The following CNTNAP2 variants were observed in gnomAD, a reference collection of about 807,000 sequenced individuals.
The protein encoded by CNTNAP2 is contactin associated protein 2, also known as contactin-associated protein-like 2.
Under a neutral mutation model 155.2 loss-of-function variants are expected in CNTNAP2, and 98 were observed. The ratio of observed to expected loss-of-function variants is 0.63; its 90% CI spans 0.54 to 0.75. CNTNAP2 has a LOEUF of 0.75. Among genes scored for constraint, CNTNAP2 ranks in the 30% least tolerant of loss-of-function variants. The probability of loss-of-function intolerance (pLI) is 0.00; values close to 1 mark genes in which losing one functional copy is unlikely to be tolerated. For synonymous variants in CNTNAP2, 651 were observed against 631.2 expected, an observed-to-expected ratio of 1.03 and a Z score of -0.47; for missense variants, 1,727 against 1,688.1, an observed-to-expected ratio of 1.02 and a Z score of -0.40.
intron 10 of CNTNAP2, among the ~76,000 whole-genome samples, chr7:147,421,854 A>T (rs1563198488): frequency 4.6e-5 from 7 of 150,868 alleles, no homozygotes. Flanking sequence ...TGCCCCCTCA[A>T]CTCTCTCTCC....
intron 3 of CNTNAP2, among the ~76,000 whole-genome samples, chr7:146,873,273 G>GAC (rs5888226): frequency 0.72 from 109,917 of 151,862 alleles, 40,730 homozygotes; most frequent in African/African-American, 0.88. Context: ...TTTTATGCAA[G>GAC]ACAGATTTTG....
chr7:146,301,035 A>G (rs1800599591), intron 1 of CNTNAP2, among the ~76,000 whole-genome samples: 1 of 152,158 alleles, frequency 6.6e-6, no homozygotes, highest in Admixed American at 6.5e-5. Flanking sequence ...AAGGCAACAA[A>G]TACATTAATT....
At chr7:148,337,330 A>T (rs1361550844) in intron 21 of CNTNAP2, among the ~76,000 whole-genome samples, 1 of 151,960 alleles carries the variant, frequency 6.6e-6, no homozygotes. Context: ...CCGCCTGCCC[A>T]CAAGGAGCCT....
In CNTNAP2 at chr7:146,391,035, C is replaced by T. The variant is rs954968554; in HGVS notation, c.97+274062C>T. 6.9e-5 allele frequency among the ~76,000 whole-genome samples: 10 copies of T among 145,156 alleles called. No homozygotes were observed. In the Admixed American group the frequency reaches 7.1e-4, roughly 10 times the overall value. On this transcript the variant is annotated intron_variant, in intron 1 of 23. Transcript: ENST00000361727. ...TGAGCCGAGATCGCGCCACTGCACT[C>T]CAGCCTGGCAACATAGTGAGACTCT...
At chr7:147,954,793 C>T (rs1324277132) in intron 14 of CNTNAP2, among the ~76,000 whole-genome samples, 3 of 152,144 alleles carry the variant, frequency 2.0e-5, no homozygotes, top group Admixed American at 1.3e-4. Context: ...TCCCCTATAT[C>T]GAGAGTCTAG....
chr7:147,908,178 A>G (rs1800000508), intron 14 of CNTNAP2, among the ~76,000 whole-genome samples: 1 of 152,182 alleles, frequency 6.6e-6, no homozygotes, highest in Non-Finnish European at 1.5e-5. Flanking sequence ...CGTAGGCCTC[A>G]AGTCTAATTC....
chr7:147,891,771 CAGAT>C (rs543929658), intron 13 of CNTNAP2, among the ~76,000 whole-genome samples: 90 of 152,178 alleles, frequency 5.9e-4, no homozygotes, highest in African/African-American at 2.0e-3. Flanking sequence ...ATATGAGCCT[CAGAT>C]AGTTTACCAA....
At chr7:146,777,736 T>C (rs904436142) in intron 2 of CNTNAP2, among the ~76,000 whole-genome samples, 1 of 152,086 alleles carries the variant, frequency 6.6e-6, no homozygotes, top group Admixed American at 6.6e-5. Context: ...GGCTGATTTT[T>C]GCATTTTTTA....
At position 146,116,854 on chromosome 7, in the gene CNTNAP2, C is replaced by T; in HGVS notation, c.-23C>T. The T allele has an allele frequency of 3.9e-6, 6 of 1,532,844 alleles. No individual in the cohort carries two copies. The highest frequency in any genetic ancestry group is 5.3e-6 in the Non-Finnish European group (6 of 1,135,972). The allele number at this position is 1,532,844 out of a possible 1,614,324, so 95.0% of individuals were successfully genotyped here. A position where few individuals can be genotyped will look rare whatever the true frequency, so the allele number is the denominator to read the frequency against. The stretch of plus-strand genomic sequence containing the variant: ...GCATCTCCGCAGCGAGCTCTTGGAG[C>T]GCCGCCGGCCGGGAGGCGAAGGATG... On this transcript the variant is annotated 5_prime_UTR_variant, in exon 1 of 24. Transcript: ENST00000361727. The surrounding 1 kb of genome is among the most constrained non-coding windows in gnomAD (Gnocchi z 5.5).
intron 8 of CNTNAP2, among the ~76,000 whole-genome samples, chr7:147,241,653 A>G (rs1020978353): frequency 1.6e-4 from 25 of 151,992 alleles, no homozygotes; most frequent in African/African-American, 2.7e-4. Context: ...AAAAAAAAAA[A>G]AAAGAAATTG....
intron 20 of CNTNAP2, among the ~76,000 whole-genome samples, chr7:148,244,988 A>G (rs1010225927): frequency 6.6e-6 from 1 of 152,198 alleles, no homozygotes. Flanking sequence ...AAAACCAATA[A>G]AATCAGAATA....
At chr7:146,936,947 A>C (rs1796928477) in intron 3 of CNTNAP2, among the ~76,000 whole-genome samples, 1 of 152,192 alleles carries the variant, frequency 6.6e-6, no homozygotes, top group Non-Finnish European at 1.5e-5. Flanking sequence ...AACTCCTTTA[A>C]ATTTAAAATA....
chr7:148,273,596 C>T (rs373382594), intron 21 of CNTNAP2, among the ~76,000 whole-genome samples: 6 of 152,152 alleles, frequency 3.9e-5, no homozygotes, highest in Non-Finnish European at 5.9e-5. Context: ...AATAAAAAGA[C>T]GGTAGCTTCT....
intron 15 of CNTNAP2, among the ~76,000 whole-genome samples, chr7:148,024,893 G>A (rs1402652869): frequency 6.6e-6 from 1 of 152,144 alleles, no homozygotes; most frequent in East Asian, 1.9e-4. Flanking sequence ...GCAGTCAGAG[G>A]TGGAAGCAAA....
At chr7:147,007,737 T>C (rs1177187369) in intron 3 of CNTNAP2, among the ~76,000 whole-genome samples, 1 of 152,098 alleles carries the variant, frequency 6.6e-6, no homozygotes, top group Non-Finnish European at 1.5e-5. Flanking sequence ...TATCTGAGCA[T>C]ATTTAATTTC....
intron 1 of CNTNAP2, among the ~76,000 whole-genome samples, chr7:146,589,675 C>T (rs1376028177): frequency 3.3e-5 from 5 of 151,714 alleles, no homozygotes; most frequent in Non-Finnish European, 7.4e-5. Flanking sequence ...TGCAGCAAAC[C>T]ACCATGGCAC....
chr7:146,778,535 T>A (rs1802429308), intron 2 of CNTNAP2, among the ~76,000 whole-genome samples: 1 of 152,190 alleles, frequency 6.6e-6, no homozygotes, highest in Admixed American at 6.5e-5. Context: ...TATCCCCACA[T>A]TTTTAATCCA....
rs76834474 is a variant in CNTNAP2, at chr7:146,274,869, A to G, written c.97+157896A>G. Among the ~76,000 whole-genome samples the G allele has an allele frequency of 2.9e-3, 447 of 152,202 alleles. 13 individuals are homozygous for G. In the East Asian group the frequency reaches 0.073, roughly 25 times the overall value. On this transcript the variant is annotated intron_variant, in intron 1 of 23. Transcript: ENST00000361727. Reference sequence around the variant, plus strand: ...TGTTCCTTGTCTTTTAAACATTTTTATTTTTAGTTTTTATCTCAGTGAAAT... The same window carrying G: ...TGTTCCTTGTCTTTTAAACATTTTTGTTTTTAGTTTTTATCTCAGTGAAAT...
chr7:147,832,046 C>G (rs953116707), intron 13 of CNTNAP2, among the ~76,000 whole-genome samples: 1 of 151,160 alleles, frequency 6.6e-6, no homozygotes, highest in African/African-American at 2.4e-5. Context: ...GAAATATTAC[C>G]TCATCTTATC....
Sources: gnomAD v4.1 joint callset for allele counts (sites outside exome capture counted in the v4.1 genomes callset) on GRCh38, gnomAD v4.1.1 for gene constraint, Gnocchi (gnomAD v3.1) non-coding constraint, MANE v1.5 for transcripts, NCBI Gene and HGNC (gene_info 2026-07-23, HGNC 2026-07-21) for gene names.